NKAIN2: variants seen among roughly 807,000 people sequenced by gnomAD.
NKAIN2 encodes sodium/potassium transporting ATPase interacting 2.
NKAIN2 carries 14 observed loss-of-function variants against 32.6 expected under a neutral mutation model. The ratio of observed to expected loss-of-function variants is 0.43; its 90% CI spans 0.28 to 0.67. The LOEUF is 0.67. NKAIN2 is among the 30% of genes least tolerant of loss of function. NKAIN2 has a pLI of 0.17. For missense variants in NKAIN2, 198 were observed against 258.3 expected, an observed-to-expected ratio of 0.77 and a Z score of 1.60; for synonymous variants, 80 against 87.2, an observed-to-expected ratio of 0.92 and a Z score of 0.46.
intron 4 of NKAIN2, among the ~76,000 whole-genome samples, chr6:124,759,473 A>C (rs1305605718): frequency 6.6e-6 from 1 of 152,002 alleles, no homozygotes. Flanking sequence ...TACAACAGGA[A>C]TGCTCATCCT....
chr6:123,980,454 C>A (rs913853317), intron 1 of NKAIN2, among the ~76,000 whole-genome samples: 1 of 152,138 alleles, frequency 6.6e-6, no homozygotes, highest in South Asian at 2.1e-4. Context: ...GGCTGGGACA[C>A]AGGGTTAGTG....
intron 2 of NKAIN2, among the ~76,000 whole-genome samples, chr6:124,293,445 A>T (rs1795908356): frequency 6.6e-6 from 1 of 152,082 alleles, no homozygotes; most frequent in African/African-American, 2.4e-5. Context: ...TTAAGAAAAT[A>T]AATTGGGGAA....
At chr6:123,975,504 C>A (rs1345669227) in intron 1 of NKAIN2, among the ~76,000 whole-genome samples, 1 of 152,058 alleles carries the variant, frequency 6.6e-6, no homozygotes, top group Non-Finnish European at 1.5e-5. Flanking sequence ...TTGGGGTTCT[C>A]CAGAGAAACA....
At chr6:124,269,119 T>C (rs1794631400) in intron 1 of NKAIN2, among the ~76,000 whole-genome samples, 1 of 152,240 alleles carries the variant, frequency 6.6e-6, no homozygotes, top group Non-Finnish European at 1.5e-5. Flanking sequence ...TTTGTGCCTG[T>C]ACCAGTTATC....
intron 1 of NKAIN2, among the ~76,000 whole-genome samples, chr6:124,089,779 C>G (rs138972254): frequency 5.9e-4 from 90 of 152,100 alleles, no homozygotes; most frequent in African/African-American, 2.0e-3. Flanking sequence ...CTGTCAGGCA[C>G]TAGCGTTATC....
At chr6:123,886,922 T>C (rs1399283112) in intron 1 of NKAIN2, among the ~76,000 whole-genome samples, 1 of 152,136 alleles carries the variant, frequency 6.6e-6, no homozygotes, top group Non-Finnish European at 1.5e-5. Flanking sequence ...ATCATTAAAA[T>C]GAATCCTCTT....
intron 4 of NKAIN2, among the ~76,000 whole-genome samples, chr6:124,664,352 T>A (rs1481625386): frequency 6.6e-6 from 1 of 152,034 alleles, no homozygotes; most frequent in African/African-American, 2.4e-5. Context: ...AATCAATATT[T>A]ATAATAATGT....
intron 1 of NKAIN2, among the ~76,000 whole-genome samples, chr6:124,092,341 A>C (rs1237724902): frequency 6.6e-6 from 1 of 152,072 alleles, no homozygotes; most frequent in African/African-American, 2.4e-5. Context: ...TTATCTCTAA[A>C]TCTAATGAGA....
intron 1 of NKAIN2, among the ~76,000 whole-genome samples, chr6:123,898,886 T>C (rs1774418519): frequency 6.6e-6 from 1 of 152,216 alleles, no homozygotes; most frequent in African/African-American, 2.4e-5. Context: ...GGGCTTCCCC[T>C]GTTAGCCTCT....
intron 1 of NKAIN2, among the ~76,000 whole-genome samples, chr6:124,277,370 T>C (rs923561182): frequency 6.6e-6 from 1 of 151,946 alleles, no homozygotes; most frequent in Non-Finnish European, 1.5e-5. Context: ...ACCTAGAAAC[T>C]GTTAGGCCCC....
chr6:124,061,525 G>A (rs1268620816), intron 1 of NKAIN2, among the ~76,000 whole-genome samples: 2 of 152,134 alleles, frequency 1.3e-5, no homozygotes, highest in Non-Finnish European at 2.9e-5. Flanking sequence ...CTTACACTAT[G>A]AGTGTCTTAT....
At chr6:124,808,385 C>A (rs1340292359) in intron 5 of NKAIN2, among the ~76,000 whole-genome samples, 1 of 152,212 alleles carries the variant, frequency 6.6e-6, no homozygotes, top group Non-Finnish European at 1.5e-5. Context: ...ACAAAAACCA[C>A]ATGACTATCT....
chr6:124,635,282 A>G (rs1474293777), intron 3 of NKAIN2, among the ~76,000 whole-genome samples: 2 of 152,184 alleles, frequency 1.3e-5, no homozygotes, highest in East Asian at 3.9e-4. Context: ...TCATTATGAA[A>G]ACATACAAAA....
chr6:124,582,210 A>G (rs1781549137), intron 3 of NKAIN2, among the ~76,000 whole-genome samples: 1 of 152,202 alleles, frequency 6.6e-6, no homozygotes, highest in South Asian at 2.1e-4. Context: ...GAAAAACTCA[A>G]AGGATCATTA....
intron 3 of NKAIN2, among the ~76,000 whole-genome samples, chr6:124,614,689 A>ACCCC (rs549664321): frequency 2.0e-5 from 3 of 150,872 alleles, no homozygotes; most frequent in African/African-American, 7.3e-5. Context: ...GGTCCCAAAG[A>ACCCC]CCCCCCCAAT....
chr6:124,632,112 C>T (rs1295330737), intron 3 of NKAIN2, among the ~76,000 whole-genome samples: 1 of 152,094 alleles, frequency 6.6e-6, no homozygotes, highest in Non-Finnish European at 1.5e-5. Context: ...TAATGACATA[C>T]GTTTAAATAG....
intron 1 of NKAIN2, among the ~76,000 whole-genome samples, chr6:124,127,890 G>A (rs758065240): frequency 6.6e-6 from 1 of 151,970 alleles, no homozygotes; most frequent in African/African-American, 2.4e-5. Context: ...TGCAGTGCGC[G>A]ATCTTGGCTC....
chr6:124,191,314 A>C (rs1274584135), intron 1 of NKAIN2, among the ~76,000 whole-genome samples: 1 of 152,100 alleles, frequency 6.6e-6, no homozygotes, highest in Non-Finnish European at 1.5e-5. Context: ...TTCTGTGTAT[A>C]GGTCTTGCAC....
intron 4 of NKAIN2, among the ~76,000 whole-genome samples, chr6:124,740,046 A>C (rs1382697308): frequency 2.0e-5 from 3 of 151,842 alleles, no homozygotes; most frequent in Admixed American, 6.6e-5. Flanking sequence ...TGGTGCTTCC[A>C]TTTGTGCACA....
Sources: gnomAD v4.1 joint callset for allele counts (sites outside exome capture counted in the v4.1 genomes callset) on GRCh38, gnomAD v4.1.1 for gene constraint, MANE v1.5 for transcripts, NCBI Gene and HGNC (gene_info 2026-07-23, HGNC 2026-07-21) for gene names.